The following ATG7 variants were observed in gnomAD, a reference collection of about 807,000 sequenced individuals.
The protein encoded by ATG7 is ubiquitin-like modifier-activating enzyme ATG7.
Under a neutral mutation model 82.4 loss-of-function variants are expected in ATG7, and 70 were observed. The observed-to-expected ratio is 0.85, with a 90% CI of 0.70 to 1.04. The LOEUF (loss-of-function observed/expected upper bound fraction) is 1.04. Among genes scored for constraint, ATG7 ranks in the 50% least tolerant of loss-of-function variants. ATG7 has a pLI of 0.00. For synonymous variants in ATG7, 287 were observed against 313.0 expected (o/e 0.92, Z 0.88); for missense variants, 792 against 864.3 (o/e 0.92, Z 1.05).
chr3:11,333,748 CTTTTTT>C (rs770412107), intron 11 of ATG7, among the ~76,000 whole-genome samples: 2 of 138,226 alleles, frequency 1.4e-5, no homozygotes, highest in African/African-American at 5.4e-5. Flanking sequence ...GGATATATTT[CTTTTTT>C]TTTTTTTTTT....
chr3:11,572,466 CT>C, the ATG7 span, among the ~76,000 whole-genome samples: 2 of 152,286 alleles, frequency 1.3e-5, no homozygotes, highest in South Asian at 4.1e-4. Flanking sequence ...CTTTTCTTTC[CT>C]CTGGCCATGA....
At chr3:11,434,212 T>C (rs1430201719) in intron 20 of ATG7, among the ~76,000 whole-genome samples, 1 of 152,222 alleles carries the variant, frequency 6.6e-6, no homozygotes, top group East Asian at 1.9e-4. Flanking sequence ...TTGTTTTGTT[T>C]TGCATTTAAC....
At chr3:11,518,165 G>T (rs2092336424) in intron 20 of ATG7, among the ~76,000 whole-genome samples, 1 of 152,150 alleles carries the variant, frequency 6.6e-6, no homozygotes, top group Non-Finnish European at 1.5e-5. Context: ...TGTAGAGAGA[G>T]GGAGCAGGAA....
chr3:11,575,065 C>A, the ATG7 span, among the ~76,000 whole-genome samples: 2 of 152,112 alleles, frequency 1.3e-5, no homozygotes, highest in Admixed American at 1.3e-4. Flanking sequence ...TCGTGCCAAC[C>A]CCCCATTCCC....
chr3:11,302,069 T>C (rs1946869427), intron 5 of ATG7, among the ~76,000 whole-genome samples: 1 of 152,204 alleles, frequency 6.6e-6, no homozygotes. Context: ...TCTTTAACCG[T>C]TGAATACCCT....
Position 11,505,596 on chromosome 3 carries a change from G to A in ATG7, c.2080-49215G>A, listed in dbSNP as rs140084978. On this transcript the variant is annotated intron_variant, in intron 20 of 20. Coordinates refer to ENST00000693202, the MANE Select transcript of ATG7 (RefSeq NM_001349232.2). Reference sequence around the variant, plus strand: ...CCTTTACAAGTCCTTACCTCCGACCGCAAAAGAGTCTTCTAAAGACCACTC... The same window carrying A: ...CCTTTACAAGTCCTTACCTCCGACCACAAAAGAGTCTTCTAAAGACCACTC... Among the ~76,000 whole-genome samples, 449 of 152,258 alleles carry A rather than the reference G, an allele frequency of 2.9e-3. 2 individuals are homozygous for A. The highest frequency in any genetic ancestry group is 3.6e-3 in the Non-Finnish European group (242 of 68,006).
chr3:11,284,453 A>G (rs939854833), intron 3 of ATG7, among the ~76,000 whole-genome samples: 7 of 152,268 alleles, frequency 4.6e-5, no homozygotes, highest in Admixed American at 1.3e-4. Context: ...TACCAAAGCT[A>G]AATTTAAGTA....
chr3:11,340,685 A>G lies in ATG7; in HGVS notation c.930A>G (p.Gly310=). The G allele has an allele frequency of 6.2e-7, 1 of 1,613,882 alleles. No individual in the cohort carries two copies. The highest frequency in any genetic ancestry group is 8.5e-7 in the Non-Finnish European group (1 of 1,179,882). The change falls in exon 12 of 21, where the codon GGA becomes GGG. Residue 310 remains glycine, a synonymous_variant. Transcript: ENST00000693202. ...TTGGATGGGAAAAGAACCAGAAAGG[A>G]GGCATGGGACCAAGGATGGTGAACC... The part of the protein sequence containing the change: ...KAVGWEKNQK[G]GMGPRMVNLS...
rs769581333 is a variant in ATG7 at position 11,275,515 on chromosome 3, A to ATTAT, written c.-366+3087_-366+3088insATTT. Among the ~76,000 whole-genome samples, 539 of 109,202 alleles carry ATTAT rather than the reference A, an allele frequency of 4.9e-3. 4 individuals are homozygous for ATTAT. Among genetic ancestry groups the ATTAT allele is most frequent in the African/African-American group, 0.02 (511 of 25,748 alleles). The allele number at this position is 109,202 out of a possible 152,430, so 71.6% of individuals were successfully genotyped here. On this transcript the variant is annotated intron_variant, in intron 1 of 20. Coordinates refer to ENST00000693202, the MANE Select transcript of ATG7 (RefSeq NM_001349232.2). ...AGGTGCCCACCACCATGCCCGGCTA[A>ATTAT]TTTTTTTTTTTTTTTTTTTTTTTTA...
At chr3:11,301,574 T>C (rs1320390339) in intron 5 of ATG7, among the ~76,000 whole-genome samples, 1 of 152,196 alleles carries the variant, frequency 6.6e-6, no homozygotes, top group Admixed American at 6.5e-5. Flanking sequence ...TATGTGTTGG[T>C]GTTTCTTGTT....
intron 18 of ATG7, among the ~76,000 whole-genome samples, chr3:11,375,848 C>T (rs867638703): frequency 5.3e-5 from 8 of 152,170 alleles, no homozygotes; most frequent in East Asian, 1.9e-4. Flanking sequence ...TGAGCCACTG[C>T]GCCTGGCCAA....
intron 19 of ATG7, among the ~76,000 whole-genome samples, chr3:11,414,101 G>C (rs1327902487): frequency 1.3e-5 from 2 of 152,098 alleles, no homozygotes; most frequent in Admixed American, 1.3e-4. Context: ...ATGGAGTCTT[G>C]CTCTTGTTGC....
intron 19 of ATG7, among the ~76,000 whole-genome samples, chr3:11,420,339 A>G (rs2081818207): frequency 1.3e-5 from 2 of 152,120 alleles, no homozygotes; most frequent in Admixed American, 6.5e-5. Flanking sequence ...CTCATTATGG[A>G]GGAGGCCTTT....
chr3:11,342,675 T>G (rs971158022), intron 13 of ATG7, among the ~76,000 whole-genome samples: 4 of 152,184 alleles, frequency 2.6e-5, no homozygotes, highest in Admixed American at 1.3e-4. Flanking sequence ...AAAATGACTG[T>G]AGCTACCTTT....
chr3:11,278,991 G>T (rs1255075860), intron 1 of ATG7, among the ~76,000 whole-genome samples: 1 of 152,166 alleles, frequency 6.6e-6, no homozygotes, highest in Non-Finnish European at 1.5e-5. Flanking sequence ...AAAATTCTAA[G>T]CTTATGCAGA....
intron 20 of ATG7, among the ~76,000 whole-genome samples, chr3:11,492,572 C>T (rs1206347621): frequency 6.6e-6 from 1 of 152,230 alleles, no homozygotes; most frequent in Admixed American, 6.5e-5. Context: ...TGCTCAACTC[C>T]TCGCGGGAGG....
intron 20 of ATG7, among the ~76,000 whole-genome samples, chr3:11,436,837 A>T (rs1362816678): frequency 2.0e-5 from 3 of 152,218 alleles, no homozygotes; most frequent in Non-Finnish European, 4.4e-5. Flanking sequence ...GATCTCATTT[A>T]TGTGAAATGT....
intron 20 of ATG7, among the ~76,000 whole-genome samples, chr3:11,469,706 C>T (rs1465280924): frequency 6.6e-6 from 1 of 151,010 alleles, no homozygotes; most frequent in Non-Finnish European, 1.5e-5. Flanking sequence ...TGTACTGGGG[C>T]CAAGCATGGT....
At position 11,415,899 on chromosome 3, in the gene ATG7, T is replaced by C. The variant is rs192367317; in HGVS notation, c.1957-10905T>C. On this transcript the variant is annotated intron_variant, in intron 19 of 20. Coordinates refer to ENST00000693202, the MANE Select transcript of ATG7 (RefSeq NM_001349232.2). ...ATATATAATTGTACGTGGTACACTT[T>C]TATGCTACGGGCAGCACAGTAGTTT... 1.1e-3 allele frequency among the ~76,000 whole-genome samples: 166 copies of C among 152,338 alleles called. 2 individuals are homozygous for C. The highest frequency in any genetic ancestry group is 3.8e-3 in the African/African-American group (158 of 41,580).
Sources: gnomAD v4.1 joint callset for allele counts (sites outside exome capture counted in the v4.1 genomes callset) on GRCh38, gnomAD v4.1.1 for gene constraint, MANE v1.5 for transcripts, NCBI Gene and HGNC (gene_info 2026-07-23, HGNC 2026-07-21) for gene names.